DNAH7: variants seen among roughly 807,000 people sequenced by gnomAD.
The protein encoded by DNAH7 is dynein axonemal heavy chain 7, also known as axonemal beta dynein heavy chain 7.
A neutral mutation model predicts 444.6 loss-of-function variants in DNAH7; 397 were observed. That is an observed-to-expected ratio of 0.89 (90% CI 0.82 to 0.97). The LOEUF is 0.97. DNAH7 is among the 50% of genes least tolerant of loss of function. DNAH7 has a pLI of 0.00. For missense variants in DNAH7, 4,902 were observed against 4,800.8 expected (o/e 1.02, Z -0.62); for synonymous variants, 1,636 against 1,624.4 (o/e 1.01, Z -0.17).
At chr2:195,766,503 G>C (rs574075525) in intron 61 of DNAH7, among the ~76,000 whole-genome samples, 14 of 152,132 alleles carry the variant, frequency 9.2e-5, no homozygotes, top group African/African-American at 3.1e-4. Flanking sequence ...TGAACTTGTG[G>C]AGTTAGAGAG....
chr2:195,746,381 T>C (rs1419656842), intron 63 of DNAH7, among the ~76,000 whole-genome samples: 1 of 151,962 alleles, frequency 6.6e-6, no homozygotes, highest in Non-Finnish European at 1.5e-5. Flanking sequence ...AGACTTAGAC[T>C]CCCACACAAT....
intron 61 of DNAH7, among the ~76,000 whole-genome samples, chr2:195,758,642 G>A (rs770170226): frequency 6.6e-6 from 1 of 152,202 alleles, no homozygotes; most frequent in African/African-American, 2.4e-5. Flanking sequence ...AGGCACTGAA[G>A]AGGGCAGGAA....
intron 1 of DNAH7, among the ~76,000 whole-genome samples, chr2:196,060,544 A>G (rs1454972593): frequency 6.6e-6 from 1 of 152,142 alleles, no homozygotes; most frequent in Non-Finnish European, 1.5e-5. Flanking sequence ...TTTTTGCTGC[A>G]GCAATTTGAA....
At chr2:195,974,819 C>T (rs1339115066) in intron 15 of DNAH7, among the ~76,000 whole-genome samples, 1 of 150,334 alleles carries the variant, frequency 6.7e-6, no homozygotes, top group Non-Finnish European at 1.5e-5. Flanking sequence ...GGACCTCAAT[C>T]CAAGTACAAA....
intron 18 of DNAH7, among the ~76,000 whole-genome samples, chr2:195,959,843 T>C (rs970679668): frequency 2.0e-5 from 3 of 152,230 alleles, no homozygotes; most frequent in Non-Finnish European, 2.9e-5. Flanking sequence ...AGCAATCTTC[T>C]ATGACAAGCT....
chr2:196,068,663 C>G (rs1468748606), intron 1 of DNAH7, 34 bp downstream of exon 1: 20 of 1,549,756 alleles, frequency 1.3e-5, no homozygotes, highest in Non-Finnish European at 1.7e-5. Context: ...AGCGTCGCGG[C>G]GGCGGCGAGC....
chr2:195,892,955 TTTTTC>T (rs1702101321), intron 30 of DNAH7: 1 of 152,050 alleles, frequency 6.6e-6, no homozygotes, highest in Non-Finnish European at 1.5e-5. Context: ...TTTTTTTTCT[TTTTTC>T]TTTTGAGATA....
chr2:195,794,580 C>T (rs1696048398), intron 56 of DNAH7, 42 bp from the exon 57 acceptor site: 1 of 1,577,814 alleles, frequency 6.3e-7, no homozygotes, highest in Non-Finnish European at 8.7e-7. Flanking sequence ...AAATAAAACC[C>T]AAAGAAAATC....
intron 61 of DNAH7, among the ~76,000 whole-genome samples, chr2:195,758,895 C>G (rs1053346662): frequency 6.6e-6 from 1 of 152,254 alleles, no homozygotes; most frequent in Non-Finnish European, 1.5e-5. Context: ...ACAGGAGTTT[C>G]AGCAAGCCTT....
chr2:195,773,201 T>C (rs1321013941), intron 60 of DNAH7, among the ~76,000 whole-genome samples: 1 of 152,202 alleles, frequency 6.6e-6, no homozygotes, highest in African/African-American at 2.4e-5. Flanking sequence ...GATATGCTCG[T>C]ATAATAATCC....
At chr2:196,037,715 GAAGA>G (rs1185341827) in intron 5 of DNAH7, among the ~76,000 whole-genome samples, 2 of 152,072 alleles carry the variant, frequency 1.3e-5, no homozygotes, top group Admixed American at 1.3e-4. Context: ...GAATCAAAAA[GAAGA>G]AAGCCTGAGG....
intron 17 of DNAH7, among the ~76,000 whole-genome samples, chr2:195,963,473 A>G (rs1186089929): frequency 6.6e-6 from 1 of 152,168 alleles, no homozygotes; most frequent in Non-Finnish European, 1.5e-5. Flanking sequence ...AGATTTTCCA[A>G]CAGAGTTGTA....
In DNAH7 at chr2:196,043,271, A is replaced by T. The variant is rs553263806; in HGVS notation, c.398+4081T>A. Among the ~76,000 whole-genome samples the T allele has an allele frequency of 2.0e-5, 3 of 152,210 alleles. No homozygotes were observed. The East Asian group carries it at 5.8e-4, about 29-fold the overall frequency. On this transcript the variant is annotated intron_variant, in intron 5 of 64. Transcript: ENST00000312428. The stretch of plus-strand genomic sequence containing the variant: ...AAAAGCCTATCTGTGAGGCTTTGAA[A>T]ATAAAATGTTCCCCCCAAAAAAGGT...
chr2:195,992,071 A>G (rs1329217532), intron 12 of DNAH7, among the ~76,000 whole-genome samples: 1 of 152,234 alleles, frequency 6.6e-6, no homozygotes, highest in East Asian at 1.9e-4. Context: ...AGTTGTCTTT[A>G]GATGTTGCAA....
At position 196,027,941 on chromosome 2, in the gene DNAH7, A is replaced by G. The variant is rs1307699175; in HGVS notation, c.486+19T>C. ...TTCTTTCCTTTTCAATTATACAGAC[A>G]AAACAAATGGCCAGTTACCAAGATG... On this transcript the variant is annotated intron_variant, in intron 6 of 64. Transcript: ENST00000312428. The G allele has an allele frequency of 4.4e-6, 7 of 1,606,810 alleles. No individual in the cohort carries two copies. The highest frequency in any genetic ancestry group is 5.1e-6 in the Non-Finnish European group (6 of 1,176,250).
intron 19 of DNAH7, among the ~76,000 whole-genome samples, chr2:195,950,415 T>C (rs1461448157): frequency 6.6e-6 from 1 of 152,218 alleles, no homozygotes; most frequent in East Asian, 1.9e-4. Flanking sequence ...TAGTAATCTC[T>C]GTGATGGTAG....
In DNAH7 at chr2:196,019,229, G is replaced by A. The variant is rs1012977605; in HGVS notation, c.810C>T (p.His270=). The change falls in exon 9 of 65, where the codon CAC becomes CAT. Residue 270 remains histidine (H), a synonymous_variant. Coordinates refer to ENST00000312428, the MANE Select transcript of DNAH7 (RefSeq NM_018897.3). ...FLAASSYIRD[H]LNAMNPTMLA... ...GCATTGTGGGGTTCATTGCATTCAAGTGATCCCTAATATAACTGCTTGCAG... is the reference window on the plus strand; with the variant it reads ...GCATTGTGGGGTTCATTGCATTCAAATGATCCCTAATATAACTGCTTGCAG... 6 of 1,530,122 alleles carry A rather than the reference G, an allele frequency of 3.9e-6. No homozygotes were observed. Among genetic ancestry groups the A allele is most frequent in the Non-Finnish European group, 5.3e-6 (6 of 1,128,302 alleles). 94.8% of individuals were successfully genotyped at this position (1,530,122 alleles called of 1,614,324 possible). A position where few individuals can be genotyped will look rare whatever the true frequency, so the allele number is the denominator to read the frequency against.
At chr2:195,953,118 T>C (rs1251733059) in intron 19 of DNAH7, among the ~76,000 whole-genome samples, 2 of 152,180 alleles carry the variant, frequency 1.3e-5, no homozygotes, top group African/African-American at 2.4e-5. Context: ...GGGGTTTTTG[T>C]GTGGATGCCC....
At chr2:195,915,085 G>C (rs1374297895) in intron 24 of DNAH7, among the ~76,000 whole-genome samples, 2 of 152,118 alleles carry the variant, frequency 1.3e-5, no homozygotes, top group African/African-American at 4.8e-5. Flanking sequence ...GTTGGTGCTG[G>C]GGAGAGAGAG....
Sources: gnomAD v4.1 joint callset for allele counts (sites outside exome capture counted in the v4.1 genomes callset) on GRCh38, gnomAD v4.1.1 for gene constraint, MANE v1.5 for transcripts, NCBI Gene and HGNC (gene_info 2026-07-23, HGNC 2026-07-21) for gene names.